The following GALNT17 variants were observed in gnomAD, a reference collection of about 807,000 sequenced individuals.
The protein encoded by GALNT17 is UDP-GalNAc:polypeptide N-acetylgalactosaminyltransferase-like 3.
A neutral mutation model predicts 63.7 loss-of-function variants in GALNT17; 29 were observed. That is an observed-to-expected ratio of 0.46 (90% confidence interval 0.34 to 0.62). GALNT17 has a LOEUF of 0.62. Among genes scored for constraint, GALNT17 ranks in the 20% least tolerant of loss-of-function variants. The pLI is 0.01. For missense variants in GALNT17, 603 were observed against 799.6 expected (o/e 0.75, Z 2.97); for synonymous variants, 305 against 318.3 (o/e 0.96, Z 0.45).
chr7:71,650,598 C>G (rs1429046246), intron 6 of GALNT17, among the ~76,000 whole-genome samples: 2 of 152,186 alleles, frequency 1.3e-5, no homozygotes, highest in African/African-American at 4.8e-5. Flanking sequence ...TGTATGCAGT[C>G]TGAAAGCTCT....
At chr7:71,134,841 T>A (rs1442124415) in intron 1 of GALNT17, among the ~76,000 whole-genome samples, 1 of 78,702 alleles carries the variant, frequency 1.3e-5, no homozygotes, top group East Asian at 2.7e-4. Context: ...TATGGTTTTT[T>A]TTTTTTTTTT....
chr7:71,483,884 T>C (rs1157081508), intron 5 of GALNT17, among the ~76,000 whole-genome samples: 1 of 152,124 alleles, frequency 6.6e-6, no homozygotes, highest in African/African-American at 2.4e-5. Flanking sequence ...TTTTTCTCTT[T>C]ACTCCCTAAA....
chr7:71,664,466 C>T (rs750460026), intron 6 of GALNT17, among the ~76,000 whole-genome samples: 39 of 152,208 alleles, frequency 2.6e-4, no homozygotes, highest in Non-Finnish European at 5.4e-4. Context: ...TAAAAATTAA[C>T]TGGGCATGGA....
At chr7:71,211,381 A>G (rs28575718) in intron 1 of GALNT17, among the ~76,000 whole-genome samples, 56,353 of 152,140 alleles carry the variant, frequency 0.37, 10,768 homozygotes, top group South Asian at 0.53. Flanking sequence ...ACCTCCCCAC[A>G]TGATTCTGAG....
At chr7:71,496,300 G>A (rs1788092892) in intron 5 of GALNT17, among the ~76,000 whole-genome samples, 1 of 152,046 alleles carries the variant, frequency 6.6e-6, no homozygotes, top group African/African-American at 2.4e-5. Flanking sequence ...CCCAGAGTTT[G>A]TGCTGGCTCA....
At chr7:71,651,157 G>C in intron 6 of GALNT17, among the ~76,000 whole-genome samples, 1 of 135,640 alleles carries the variant, frequency 7.4e-6, no homozygotes, top group East Asian at 2.5e-4. Flanking sequence ...AGAGCTAGTA[G>C]ATGTGAAGTA....
At chr7:71,174,856 C>G (rs912219890) in intron 1 of GALNT17, among the ~76,000 whole-genome samples, 1 of 152,002 alleles carries the variant, frequency 6.6e-6, no homozygotes, top group African/African-American at 2.4e-5. Flanking sequence ...GATGGCTTAG[C>G]GTGGGCTCAG....
intron 5 of GALNT17, among the ~76,000 whole-genome samples, chr7:71,537,213 T>G (rs992238249): frequency 2.6e-5 from 4 of 152,240 alleles, no homozygotes; most frequent in Admixed American, 2.6e-4. Flanking sequence ...TCATAGTCAT[T>G]TGTTTATGCT....
intron 1 of GALNT17, among the ~76,000 whole-genome samples, chr7:71,204,681 T>A (rs1182069076): frequency 1.3e-5 from 2 of 151,900 alleles, no homozygotes; most frequent in Non-Finnish European, 2.9e-5. Flanking sequence ...TTCTCCTGCC[T>A]CAGCCACCTG....
intron 9 of GALNT17, among the ~76,000 whole-genome samples, chr7:71,697,640 A>T (rs1791564521): frequency 6.6e-6 from 1 of 152,210 alleles, no homozygotes; most frequent in South Asian, 2.1e-4. Flanking sequence ...GAGCATCATC[A>T]TACCAAAATG....
chr7:71,526,525 T>C (rs1373651348), intron 5 of GALNT17, among the ~76,000 whole-genome samples: 1 of 152,114 alleles, frequency 6.6e-6, no homozygotes, highest in African/African-American at 2.4e-5. Context: ...TATTTATTGA[T>C]TTATTTATTT....
intron 1 of GALNT17, among the ~76,000 whole-genome samples, chr7:71,223,216 A>G (rs1789619332): frequency 1.3e-5 from 2 of 152,046 alleles, no homozygotes; most frequent in Admixed American, 1.3e-4. Context: ...TTTGCCAACT[A>G]TTTTTAGCAT....
At chr7:71,364,126 C>A (rs1792457593) in intron 2 of GALNT17, among the ~76,000 whole-genome samples, 1 of 151,984 alleles carries the variant, frequency 6.6e-6, no homozygotes, top group Admixed American at 6.6e-5. Flanking sequence ...TATACAGCAC[C>A]CTATTTGTAG....
chr7:71,188,102 T>TAC (rs1369738915), intron 1 of GALNT17, among the ~76,000 whole-genome samples: 1 of 152,246 alleles, frequency 6.6e-6, no homozygotes, highest in Non-Finnish European at 1.5e-5. Flanking sequence ...AGTATATATA[T>TAC]ACCACAGTCT....
chr7:71,392,182 C>T (rs1793063873), intron 3 of GALNT17, among the ~76,000 whole-genome samples: 1 of 152,158 alleles, frequency 6.6e-6, no homozygotes, highest in Admixed American at 6.5e-5. Context: ...CTGAAATAAA[C>T]ATCTTCAAGT....
At chr7:71,137,297 G>T (rs1311731717) in intron 1 of GALNT17, among the ~76,000 whole-genome samples, 1 of 151,796 alleles carries the variant, frequency 6.6e-6, no homozygotes, top group Admixed American at 6.6e-5. Context: ...CCGCCACCAC[G>T]CCCGGCTAAT....
At chr7:71,373,184 G>A (rs142485711) in intron 2 of GALNT17, among the ~76,000 whole-genome samples, 5 of 152,296 alleles carry the variant, frequency 3.3e-5, no homozygotes, top group East Asian at 1.9e-4. Flanking sequence ...GAATGCCAGC[G>A]TCTCACTTCA....
chr7:71,286,918 G>C (rs1217621773), intron 1 of GALNT17, among the ~76,000 whole-genome samples: 1 of 151,560 alleles, frequency 6.6e-6, no homozygotes, highest in Non-Finnish European at 1.5e-5. Flanking sequence ...AGCCTACTGA[G>C]TAGCTGGGAC....
At chr7:71,491,557 G>A (rs373078318) in intron 5 of GALNT17, among the ~76,000 whole-genome samples, 1 of 152,272 alleles carries the variant, frequency 6.6e-6, no homozygotes, top group South Asian at 2.1e-4. Flanking sequence ...GAGAGGCAGG[G>A]TTCCCATATC....
Sources: allele counts gnomAD v4.1 joint callset (sites outside exome capture counted in the v4.1 genomes callset), GRCh38; gene constraint gnomAD v4.1.1; transcripts MANE v1.5; gene names NCBI Gene and HGNC (gene_info 2026-07-23, HGNC 2026-07-21).